FAM120B: variants seen among roughly 807,000 people sequenced by gnomAD.
FAM120B encodes constitutive coactivator of peroxisome proliferator-activated receptor gamma.
A neutral mutation model predicts 96.3 loss-of-function variants in FAM120B; 83 were observed. The ratio of observed to expected loss-of-function variants is 0.86; its 90% CI spans 0.72 to 1.03. The LOEUF is 1.03. Ranked by LOEUF, FAM120B falls within the 50% of genes least tolerant of loss-of-function variation. The probability of loss-of-function intolerance (pLI) is 0.00; values close to 1 mark genes in which losing one functional copy is unlikely to be tolerated. For synonymous variants in FAM120B, 407 were observed against 402.7 expected (o/e 1.01, Z -0.13); for missense variants, 1,027 against 1,121.2 (o/e 0.92, Z 1.20).
intron 1 of FAM120B, among the ~76,000 whole-genome samples, chr6:170,301,321 A>G (rs953982285): frequency 3.9e-5 from 6 of 152,248 alleles, no homozygotes. Flanking sequence ...TGTCTAGAGC[A>G]GCTGGGATGC....
intron 9 of FAM120B, chr6:170,404,213 G>A (rs1404670447): frequency 1.2e-5 from 3 of 245,860 alleles, no homozygotes; most frequent in East Asian, 9.0e-5. Flanking sequence ...TTGGCAGAAC[G>A]TCCATGGTGA....
intron 5 of FAM120B, among the ~76,000 whole-genome samples, chr6:170,357,124 T>C (rs1788002982): frequency 6.6e-6 from 1 of 152,162 alleles, no homozygotes; most frequent in South Asian, 2.1e-4. Flanking sequence ...AAGTTGTTAT[T>C]CATGGGTCTG....
intron 6 of FAM120B, among the ~76,000 whole-genome samples, chr6:170,366,229 G>A (rs1788785876): frequency 6.6e-6 from 1 of 152,186 alleles, no homozygotes; most frequent in Non-Finnish European, 1.5e-5. Flanking sequence ...TGAAAGGGAA[G>A]CAAAGGCCTC....
intron 6 of FAM120B, among the ~76,000 whole-genome samples, chr6:170,378,987 G>A (rs959695664): frequency 9.2e-5 from 14 of 152,358 alleles, no homozygotes; most frequent in Admixed American, 2.0e-4. Flanking sequence ...GGACGGGGCC[G>A]GAGCCATGGG....
intron 4 of FAM120B, among the ~76,000 whole-genome samples, chr6:170,347,271 G>C (rs1254166468): frequency 1.3e-5 from 2 of 152,166 alleles, no homozygotes; most frequent in African/African-American, 2.4e-5. Flanking sequence ...ATAGCCAAGT[G>C]GTCCTCACAG....
Position 170,361,198 on chromosome 6 carries a change from GTATATATATATATA to G in FAM120B, c.2283+2905_2283+2918del, listed in dbSNP as rs71010657. 1.6e-3 allele frequency among the ~76,000 whole-genome samples: 107 copies of G among 66,024 alleles called. No individual in the cohort carries two copies. In the South Asian group the frequency reaches 0.029, roughly 18 times the overall value. 43.3% of individuals were successfully genotyped at this position (66,024 alleles called of 152,430 possible). ...GCCTTAAAACTATATATATATACGT[GTATATATATATATA>G]TATATATATATATATATATATATAC... On this transcript the variant is annotated intron_variant, in intron 6 of 10. Coordinates refer to ENST00000476287, the MANE Select transcript of FAM120B (RefSeq NM_032448.3).
intron 6 of FAM120B, among the ~76,000 whole-genome samples, chr6:170,369,564 G>A (rs1001659451): frequency 2.0e-5 from 3 of 152,180 alleles, no homozygotes; most frequent in African/African-American, 7.2e-5. Flanking sequence ...CAACTGGAAA[G>A]GTCTCTCATG....
chr6:170,365,068 T>A (rs886989736), intron 6 of FAM120B, among the ~76,000 whole-genome samples: 1 of 152,220 alleles, frequency 6.6e-6, no homozygotes, highest in Non-Finnish European at 1.5e-5. Context: ...GGGCGTGGTG[T>A]GCCTGGGGCA....
chr6:170,392,368 C>T (rs182064655), intron 8 of FAM120B, among the ~76,000 whole-genome samples: 245 of 152,202 alleles, frequency 1.6e-3, no homozygotes, highest in Non-Finnish European at 1.6e-3. Flanking sequence ...CCACCACGCC[C>T]GGCTAATTTT....
chr6:170,401,879 C>T (rs1474567560), intron 9 of FAM120B, among the ~76,000 whole-genome samples: 1 of 152,256 alleles, frequency 6.6e-6, no homozygotes, highest in Non-Finnish European at 1.5e-5. Context: ...AAAGGGGTTA[C>T]TCAGCCTGTA....
At position 170,348,171 on chromosome 6, in the gene FAM120B, ATAT is replaced by A. The variant is rs760896376; in HGVS notation, c.2042_2044del (p.Leu681del). On this transcript the variant is annotated inframe_deletion, in exon 5 of 11. Transcript: ENST00000476287. ...ACTAGGGGGAACGCCTAGTTTGAAAATATTATGGCTGAACCAAGAGCCAGAAAT... is the reference window on the plus strand; with the variant it reads ...ACTAGGGGGAACGCCTAGTTTGAAAATATGGCTGAACCAAGAGCCAGAAAT... 1 of 1,613,626 alleles carries A rather than the reference ATAT, an allele frequency of 6.2e-7. No homozygotes were observed. The highest frequency in any genetic ancestry group is 8.5e-7 in the Non-Finnish European group (1 of 1,179,832).
Position 170,318,580 on chromosome 6 carries a change from C to T in FAM120B, c.1190C>T (p.Ser397Phe). 1 of 1,479,154 alleles carries T rather than the reference C, an allele frequency of 6.8e-7. No individual in the cohort carries two copies. Among genetic ancestry groups the T allele is most frequent in the East Asian group, 2.6e-5 (1 of 38,866 alleles). 91.6% of individuals were successfully genotyped at this position (1,479,154 alleles called of 1,614,324 possible). A position where few individuals can be genotyped will look rare whatever the true frequency, so the allele number is the denominator to read the frequency against. ...QEVPTCTGPE[S>F]RREVPMCSDP... ...GTTCCCACGTGTACAGGCCCTGAAT[C>T]CAGGCGAGAAGTTCCCATGTGTTCA... is the stretch of plus-strand genomic sequence containing the variant. Residue 397 changes from serine (S) to phenylalanine (F), a missense_variant, in exon 2 of 11, where the codon TCC becomes TTC. Ser to Phe is a radical substitution (Grantham distance 155). Coordinates refer to ENST00000476287, the MANE Select transcript of FAM120B (RefSeq NM_032448.3).
chr6:170,311,393 G>A (rs911962851), intron 1 of FAM120B, among the ~76,000 whole-genome samples: 2 of 152,124 alleles, frequency 1.3e-5, no homozygotes, highest in African/African-American at 4.8e-5. Flanking sequence ...TTCTACACTT[G>A]ATGAACAAAT....
upstream of FAM120B, chr6:170,290,901 G>C: frequency 1.2e-5 from 8 of 694,126 alleles, no homozygotes; most frequent in Non-Finnish European, 2.1e-5. The surrounding 1 kb of genome is among the most constrained non-coding windows in gnomAD (Gnocchi z 4.7). Context: ...GGCCGGGTCG[G>C]GTCTCCGCGG....
At chr6:170,329,162 C>G (rs1785825102) in intron 3 of FAM120B, among the ~76,000 whole-genome samples, 1 of 152,246 alleles carries the variant, frequency 6.6e-6, no homozygotes, top group African/African-American at 2.4e-5. Context: ...CTAAAGGGCA[C>G]TTGCCATCTG....
At chr6:170,345,272 G>T (rs1210377938) in intron 4 of FAM120B, among the ~76,000 whole-genome samples, 2 of 152,118 alleles carry the variant, frequency 1.3e-5, no homozygotes, top group African/African-American at 4.8e-5. Context: ...ATTTATTAAT[G>T]CCCTGCCCCA....
chr6:170,300,425 A>C (rs1253997175), intron 1 of FAM120B, among the ~76,000 whole-genome samples: 2 of 152,194 alleles, frequency 1.3e-5, no homozygotes, highest in African/African-American at 4.8e-5. Flanking sequence ...TGGGAACTAC[A>C]GTTCAAGATG....
intron 5 of FAM120B, among the ~76,000 whole-genome samples, chr6:170,357,993 CCTG>C (rs969920973): frequency 7.9e-5 from 12 of 151,618 alleles, no homozygotes; most frequent in Non-Finnish European, 1.8e-4. Context: ...TGTGTGTACA[CCTG>C]TGTGTGTACA....
At chr6:170,329,223 G>C (rs575285632) in intron 3 of FAM120B, among the ~76,000 whole-genome samples, 1 of 152,370 alleles carries the variant, frequency 6.6e-6, no homozygotes, top group South Asian at 2.1e-4. Flanking sequence ...GGCCTCAATA[G>C]TCTTGATCTC....
Sources: gnomAD v4.1 joint callset for allele counts (sites outside exome capture counted in the v4.1 genomes callset) on GRCh38, gnomAD v4.1.1 for gene constraint, Gnocchi (gnomAD v3.1) non-coding constraint, MANE v1.5 for transcripts, NCBI Gene and HGNC (gene_info 2026-07-23, HGNC 2026-07-21) for gene names.